NCKAP5: variants seen among roughly 807,000 people sequenced by gnomAD.
NCKAP5 encodes the protein NCK associated protein 5.
Under a neutral mutation model 167.0 loss-of-function variants are expected in NCKAP5, and 92 were observed. The observed-to-expected ratio is 0.55, with a 90% CI of 0.47 to 0.66. The LOEUF is 0.66. NCKAP5 is among the 30% of genes least tolerant of loss of function. The pLI is 0.00. For synonymous variants in NCKAP5, 891 were observed against 877.4 expected (o/e 1.02, Z -0.27); for missense variants, 2,378 against 2,315.0 (o/e 1.03, Z -0.56).
chr2:133,124,702 G>A (rs2082347727), intron 6 of NCKAP5, among the ~76,000 whole-genome samples: 1 of 152,246 alleles, frequency 6.6e-6, no homozygotes, highest in Middle Eastern at 3.4e-3. Flanking sequence ...GGGCATAAAC[G>A]GTGTTACTAG....
intron 16 of NCKAP5, among the ~76,000 whole-genome samples, chr2:132,741,240 C>T (rs1184437072): frequency 6.6e-6 from 1 of 152,028 alleles, no homozygotes; most frequent in African/African-American, 2.4e-5. Context: ...ATGCAATTTT[C>T]CAAACACTTC....
Position 132,770,424 on chromosome 2 carries a change from GTA to G in NCKAP5, c.5128+3390_5128+3391del, listed in dbSNP as rs199858468. Among the ~76,000 whole-genome samples the G allele has an allele frequency of 8.7e-3, 1,277 of 146,902 alleles. 11 individuals are homozygous for G. Among genetic ancestry groups the G allele is most frequent in the Middle Eastern group, 0.014 (4 of 278 alleles). On this transcript the variant is annotated intron_variant, in intron 16 of 19. Transcript: ENST00000409261. ...ATATTATAACATATATAATAATATAGTATATATATAATATATGGTATATATAC... is the reference window on the plus strand; with the variant it reads ...ATATTATAACATATATAATAATATAGTATATATAATATATGGTATATATAC...
chr2:133,498,485 AGGCAGGCAGGCAGGC>A (rs1559529075), intron 3 of NCKAP5, among the ~76,000 whole-genome samples: 10 of 122,382 alleles, frequency 8.2e-5, no homozygotes, highest in African/African-American at 2.9e-4. Flanking sequence ...GAAGGAAGGC[AGGCAGGCAGGCAGGC>A]AGGCAGGCAG....
chr2:133,061,796 C>T (rs1039694797), intron 6 of NCKAP5, among the ~76,000 whole-genome samples: 4 of 152,134 alleles, frequency 2.6e-5, no homozygotes, highest in Admixed American at 2.0e-4. Context: ...TGAGCCTTTG[C>T]CATTAGTACC....
At chr2:133,292,857 G>A (rs1198202962) in intron 4 of NCKAP5, among the ~76,000 whole-genome samples, 2 of 152,126 alleles carry the variant, frequency 1.3e-5, no homozygotes, top group African/African-American at 4.8e-5. Context: ...TTGGTTAATA[G>A]TGACTCCATC....
chr2:133,517,612 A>G, intron 2 of NCKAP5, 25 bp from the exon 3 acceptor site: 2 of 841,276 alleles, frequency 2.4e-6, no homozygotes, highest in Non-Finnish European at 3.6e-6. Context: ...CATGTGTTTT[A>G]CTATCCAAGT....
rs745723964 is a variant in NCKAP5 at position 132,728,900 on chromosome 2, G to C, written c.5496C>G (p.Cys1832Trp). The part of the protein sequence containing the change: ...QNEAEPRPQT[C>W]SSFGYAEDPM... Reference sequence around the variant, plus strand: ...GGTCTTCAGCATATCCGAATGATGAGCATGTCTGAGGCCTTGGCTCTGCTT... The same window carrying C: ...GGTCTTCAGCATATCCGAATGATGACCATGTCTGAGGCCTTGGCTCTGCTT... The change falls in exon 18 of 20, where the codon TGC (cysteine) becomes TGG (tryptophan). Residue 1832 changes from cysteine to tryptophan, a missense_variant. By Grantham distance (215) the Cys-to-Trp change is radical. Coordinates refer to ENST00000409261, the MANE Select transcript of NCKAP5 (RefSeq NM_207363.3). The C allele has an allele frequency of 1.2e-6, 2 of 1,613,856 alleles. No individual in the cohort carries two copies. The highest frequency in any genetic ancestry group is 1.7e-6 in the Non-Finnish European group (2 of 1,179,880).
chr2:133,240,971 G>A (rs1430601211), intron 4 of NCKAP5, among the ~76,000 whole-genome samples: 1 of 152,092 alleles, frequency 6.6e-6, no homozygotes, highest in Non-Finnish European at 1.5e-5. Context: ...CTAAAATTCT[G>A]TATATCTAAA....
At chr2:133,011,085 A>G (rs1481991406) in intron 6 of NCKAP5, among the ~76,000 whole-genome samples, 2 of 152,182 alleles carry the variant, frequency 1.3e-5, no homozygotes, top group Non-Finnish European at 2.9e-5. Context: ...AATGAGTGAT[A>G]ATATACTACA....
rs1272288856 is a variant in NCKAP5 at position 132,728,801 on chromosome 2, C to T, written c.5580+15G>A. The T allele has an allele frequency of 6.2e-7, 1 of 1,613,202 alleles. No homozygotes were observed. The highest frequency in any genetic ancestry group is 1.1e-5 in the South Asian group (1 of 91,010). ...AACAGGTGGATTGCACCCTTCACCT[C>T]CCCCGACCCCTCACCTGGGTCCCGG... On this transcript the variant is annotated intron_variant, in intron 18 of 19. Transcript: ENST00000409261.
chr2:133,233,286 C>G (rs1238611547), intron 4 of NCKAP5, among the ~76,000 whole-genome samples: 1 of 152,118 alleles, frequency 6.6e-6, no homozygotes, highest in Non-Finnish European at 1.5e-5. Context: ...TCCCTGCCCT[C>G]CGAAAGCTAG....
the NCKAP5 span, among the ~76,000 whole-genome samples, chr2:133,612,842 T>C: frequency 6.6e-6 from 1 of 152,214 alleles, no homozygotes; most frequent in Non-Finnish European, 1.5e-5. Flanking sequence ...GTGAAGCCTT[T>C]ATAACATTGC....
At chr2:133,492,551 C>T (rs1681565884) in intron 3 of NCKAP5, among the ~76,000 whole-genome samples, 1 of 152,182 alleles carries the variant, frequency 6.6e-6, no homozygotes, top group Non-Finnish European at 1.5e-5. Context: ...GAAATAGATT[C>T]CCTTCTAGGT....
At chr2:133,022,625 T>C (rs2078565542) in intron 6 of NCKAP5, among the ~76,000 whole-genome samples, 1 of 152,120 alleles carries the variant, frequency 6.6e-6, no homozygotes. Context: ...GGAGTGTCCA[T>C]TCCTCTTTTC....
chr2:132,765,394 A>T (rs969227036), intron 16 of NCKAP5, among the ~76,000 whole-genome samples: 1 of 144,656 alleles, frequency 6.9e-6, no homozygotes, highest in East Asian at 2.0e-4. Context: ...GGCTTACTGC[A>T]ATCTCTGCCT....
At chr2:132,984,907 T>G (rs2149279229) in intron 7 of NCKAP5, among the ~76,000 whole-genome samples, 1 of 149,460 alleles carries the variant, frequency 6.7e-6, no homozygotes, top group Non-Finnish European at 1.5e-5. Context: ...ACCTGGTTAA[T>G]GATCTAGAAT....
chr2:133,076,523 T>G (rs960928861), intron 6 of NCKAP5, among the ~76,000 whole-genome samples: 3 of 152,236 alleles, frequency 2.0e-5, no homozygotes, highest in Admixed American at 1.3e-4. Flanking sequence ...CAATTCCATC[T>G]ACAATTAGGA....
chr2:133,413,263 T>C (rs1426641176), intron 3 of NCKAP5, among the ~76,000 whole-genome samples: 1 of 152,242 alleles, frequency 6.6e-6, no homozygotes, highest in Non-Finnish European at 1.5e-5. Context: ...GTCAATCTTC[T>C]AGCAACATTG....
chr2:133,470,592 G>T (rs1002450016), intron 3 of NCKAP5, among the ~76,000 whole-genome samples: 2 of 152,358 alleles, frequency 1.3e-5, no homozygotes, highest in African/African-American at 4.8e-5. Context: ...GGGCAATGGC[G>T]GGTGCCCCTC....
Sources: allele counts gnomAD v4.1 joint callset (sites outside exome capture counted in the v4.1 genomes callset), GRCh38; gene constraint gnomAD v4.1.1; transcripts MANE v1.5; gene names NCBI Gene and HGNC (gene_info 2026-07-23, HGNC 2026-07-21).